Variants in NRG3 observed in about 807,000 individuals in gnomAD.
NRG3 encodes neuregulin 3.
A neutral mutation model predicts 66.9 loss-of-function variants in NRG3; 31 were observed. That is an observed-to-expected ratio of 0.46 (90% CI 0.35 to 0.63). The LOEUF (loss-of-function observed/expected upper bound fraction) is 0.63. NRG3 is among the 20% of genes least tolerant of loss of function. NRG3 has a pLI of 0.00. For synonymous variants in NRG3, 393 were observed against 359.4 expected (o/e 1.09, Z -1.06); for missense variants, 910 against 878.9 (o/e 1.04, Z -0.45).
intron 2 of NRG3, among the ~76,000 whole-genome samples, chr10:82,576,951 G>C (rs570893962): frequency 6.6e-6 from 1 of 151,756 alleles, no homozygotes; most frequent in Admixed American, 6.6e-5. Flanking sequence ...AATTGATTCT[G>C]GACTCTTCAT....
chr10:82,334,755 C>T (rs1021764806), intron 1 of NRG3, among the ~76,000 whole-genome samples: 4 of 152,068 alleles, frequency 2.6e-5, no homozygotes, highest in Admixed American at 6.6e-5. Flanking sequence ...TGATAATTAT[C>T]AAATCTCATT....
intron 1 of NRG3, among the ~76,000 whole-genome samples, chr10:82,169,684 G>T: frequency 6.6e-6 from 1 of 150,400 alleles, no homozygotes; most frequent in Non-Finnish European, 1.5e-5. Context: ...ATTTTGTTTT[G>T]CATTTCTACT....
intron 1 of NRG3, among the ~76,000 whole-genome samples, chr10:81,916,889 T>G (rs1234765879): frequency 6.6e-6 from 1 of 152,186 alleles, no homozygotes; most frequent in Non-Finnish European, 1.5e-5. Flanking sequence ...AAAAATGTCA[T>G]GAAATAGGCA....
At chr10:82,115,162 G>A (rs1437176800) in intron 1 of NRG3, among the ~76,000 whole-genome samples, 7 of 151,988 alleles carry the variant, frequency 4.6e-5, no homozygotes, top group Non-Finnish European at 4.4e-5. Context: ...CTCTTCTTTT[G>A]ATCCCTAGTC....
At chr10:82,704,232 A>G (rs1418451050) in intron 2 of NRG3, among the ~76,000 whole-genome samples, 2 of 151,928 alleles carry the variant, frequency 1.3e-5, no homozygotes, top group African/African-American at 2.4e-5. Context: ...TCCACCAACC[A>G]CAACACACAC....
At chr10:82,096,322 A>G (rs1175359881) in intron 1 of NRG3, among the ~76,000 whole-genome samples, 2 of 151,886 alleles carry the variant, frequency 1.3e-5, no homozygotes, top group Non-Finnish European at 2.9e-5. Context: ...TAAAAATACA[A>G]CAAATTAGCT....
At chr10:81,917,413 C>T (rs746281611) in intron 1 of NRG3, among the ~76,000 whole-genome samples, 46 of 152,094 alleles carry the variant, frequency 3.0e-4, no homozygotes, top group Non-Finnish European at 6.0e-4. Flanking sequence ...AATAGCTCCT[C>T]AAAATATGTT....
chr10:82,984,763 C>T, intron 8 of NRG3: 1 of 1,551,652 alleles, frequency 6.4e-7, no homozygotes, highest in Non-Finnish European at 8.7e-7. Context: ...TGCTCAATCC[C>T]CATTTACTTT....
At chr10:82,196,011 C>CT (rs1222293402) in intron 1 of NRG3, among the ~76,000 whole-genome samples, 1 of 152,180 alleles carries the variant, frequency 6.6e-6, no homozygotes, top group Non-Finnish European at 1.5e-5. Flanking sequence ...TGCAGGACTG[C>CT]TTTTTTGTGT....
At chr10:82,810,540 A>G (rs1217247269) in intron 3 of NRG3, among the ~76,000 whole-genome samples, 1 of 152,106 alleles carries the variant, frequency 6.6e-6, no homozygotes, top group African/African-American at 2.4e-5. Flanking sequence ...AGGCAGGTGG[A>G]TCACCTGATG....
intron 1 of NRG3, among the ~76,000 whole-genome samples, chr10:82,289,411 C>A (rs1171701691): frequency 6.6e-6 from 1 of 152,040 alleles, no homozygotes; most frequent in Non-Finnish European, 1.5e-5. Context: ...AAAGTAATTG[C>A]ACCATGGTTA....
At chr10:82,983,831 T>A (rs1853172377) in intron 8 of NRG3, among the ~76,000 whole-genome samples, 1 of 152,212 alleles carries the variant, frequency 6.6e-6, no homozygotes, top group Non-Finnish European at 1.5e-5. Context: ...AGTTCAAGTG[T>A]ATTGATTACA....
Position 82,536,899 on chromosome 10 carries a change from A to G in NRG3, c.953+178031A>G, listed in dbSNP as rs1847868077. On this transcript the variant is annotated intron_variant, in intron 2 of 8. Transcript: ENST00000372141. ...AAATTGATTTTATTATTAAATTATT[A>G]GATGCACTAAATGAAGAATGAGGAT... Among the ~76,000 whole-genome samples, 3 of 151,582 alleles carry G rather than the reference A, an allele frequency of 2.0e-5. No homozygotes were observed. The South Asian group carries it at 6.2e-4, about 31-fold the overall frequency.
intron 2 of NRG3, among the ~76,000 whole-genome samples, chr10:82,597,175 T>A (rs2047335095): frequency 1.3e-5 from 2 of 152,210 alleles, no homozygotes; most frequent in African/African-American, 4.8e-5. Context: ...TGGAAATGTA[T>A]ACATGTGTGT....
chr10:82,539,571 T>C (rs1316676742), intron 2 of NRG3, among the ~76,000 whole-genome samples: 1 of 152,184 alleles, frequency 6.6e-6, no homozygotes, highest in Non-Finnish European at 1.5e-5. Flanking sequence ...ATTATTATGA[T>C]TTTTTTCAAT....
chr10:82,911,318 A>AT (rs1221317557), intron 4 of NRG3, among the ~76,000 whole-genome samples: 1 of 151,906 alleles, frequency 6.6e-6, no homozygotes, highest in Non-Finnish European at 1.5e-5. Flanking sequence ...TAAAATTTTA[A>AT]TTTTTTCATT....
chr10:82,658,696 T>C (rs1785212438), intron 2 of NRG3, among the ~76,000 whole-genome samples: 1 of 152,254 alleles, frequency 6.6e-6, no homozygotes, highest in East Asian at 1.9e-4. Context: ...AGAGATTAAA[T>C]AGGAATAGTT....
At chr10:82,257,927 C>T (rs1330483724) in intron 1 of NRG3, among the ~76,000 whole-genome samples, 1 of 152,176 alleles carries the variant, frequency 6.6e-6, no homozygotes, top group Non-Finnish European at 1.5e-5. Context: ...TACCTGCTAA[C>T]TACAGGGCCT....
At chr10:82,018,430 T>C (rs1468235945) in intron 1 of NRG3, among the ~76,000 whole-genome samples, 1 of 152,186 alleles carries the variant, frequency 6.6e-6, no homozygotes, top group Non-Finnish European at 1.5e-5. Context: ...TCTTTTTTGG[T>C]TCCATATGAA....
Sources: gnomAD v4.1 joint callset for allele counts (sites outside exome capture counted in the v4.1 genomes callset) on GRCh38, gnomAD v4.1.1 for gene constraint, MANE v1.5 for transcripts, NCBI Gene and HGNC (gene_info 2026-07-23, HGNC 2026-07-21) for gene names.